MAST3: variants seen among roughly 807,000 people sequenced by gnomAD.
The protein encoded by MAST3 is microtubule associated serine/threonine kinase 3.
MAST3 carries 43 observed loss-of-function variants against 127.0 expected under a neutral mutation model. The observed-to-expected ratio is 0.34, with a 90% CI of 0.27 to 0.44. The LOEUF is 0.44. Ranked by LOEUF, MAST3 falls within the 20% of genes least tolerant of loss-of-function variation. The pLI, the probability that MAST3 is intolerant of heterozygous loss-of-function variation, is 1.00. For synonymous variants in MAST3, 785 were observed against 809.2 expected (o/e 0.97, Z 0.51); for missense variants, 1,390 against 1,919.1 (o/e 0.72, Z 5.15).
At chr19:18,118,863 C>T (rs2039616392) in intron 3 of MAST3, among the ~76,000 whole-genome samples, 1 of 152,142 alleles carries the variant, frequency 6.6e-6, no homozygotes, top group African/African-American at 2.4e-5. Context: ...TTGGGTTTCT[C>T]ATTGGTGCTG....
In MAST3 at chr19:18,112,169, TG is replaced by T. The variant is rs1382215375; in HGVS notation, c.161+1429del. ...GGCAGGACTGAGGTGGTGGGTTTTT[TG>T]TTTTTGTTTTTTGAGACAGTCTCAC... On this transcript the variant is annotated intron_variant, in intron 3 of 27. Transcript: ENST00000687212. The surrounding 1 kb of genome is among the most constrained non-coding windows in gnomAD (Gnocchi z 4.1). Among the ~76,000 whole-genome samples the T allele has an allele frequency of 6.6e-6, 1 of 152,204 alleles. No homozygotes were observed. Among genetic ancestry groups the T allele is most frequent in the Non-Finnish European group, 1.5e-5 (1 of 68,036 alleles).
At position 18,107,627 on chromosome 19, in the gene MAST3, A is replaced by G. The variant is rs1408713604; in HGVS notation, c.71+9A>G. 6.2e-7 allele frequency: 1 copy of G among 1,612,080 alleles called. No individual in the cohort carries two copies. The highest frequency in any genetic ancestry group is 1.7e-5 in the Admixed American group (1 of 59,654). On this transcript the variant is annotated intron_variant, in intron 2 of 27. Coordinates refer to ENST00000687212, the MANE Select transcript of MAST3 (RefSeq NM_001393504.1). ...CCACGCCGAGGACGTGGGTGAGTTC[A>G]CCTGGGACTGGCGGGCTGGGTGGGC...
Position 18,143,877 on chromosome 19 carries a change from T to A in MAST3, c.2454T>A (p.Phe818Leu). The A allele has an allele frequency of 6.2e-7, 1 of 1,613,944 alleles. No individual in the cohort carries two copies. Among genetic ancestry groups the A allele is most frequent in the Non-Finnish European group, 8.5e-7 (1 of 1,179,886 alleles). The change falls in exon 22 of 28, where the codon TTT becomes TTA. Residue 818 changes from phenylalanine to leucine, a missense_variant. Around this residue, in one of 5 missense-constraint regions of MAST3, gnomAD observed 816 missense variants for 934.1 expected, o/e 0.87. Transcript: ENST00000687212. The stretch of plus-strand genomic sequence containing the variant: ...TCAGCCTGGACACAATGCCCAAGTT[T>A]GCCTTCTCATCAGAGGATGAGGGGG... ...NTISLDTMPKFAFSSEDEGVG... is the reference protein window; with the variant it reads ...NTISLDTMPKLAFSSEDEGVG...
intron 1 of MAST3, among the ~76,000 whole-genome samples, chr19:18,106,742 T>A (rs2038096805): frequency 6.6e-6 from 1 of 151,480 alleles, no homozygotes; most frequent in African/African-American, 2.4e-5. Context: ...TGGCTAATTT[T>A]GTATTTTTAG....
chr19:18,131,780 A>T, intron 14 of MAST3, 129 bp from the exon 15 acceptor site: 1 of 996,840 alleles, frequency 1.0e-6, no homozygotes, highest in Non-Finnish European at 1.5e-6. Flanking sequence ...CCCCGCTGAG[A>T]TAGAACAAAC....
rs1160915271 is a variant in MAST3, at chr19:18,110,286, T to C, written c.72-366T>C. 1.8e-5 allele frequency: 18 copies of C among 985,476 alleles called. No individual in the cohort carries two copies. Among genetic ancestry groups the C allele is most frequent in the Non-Finnish European group, 2.0e-5 (17 of 830,066 alleles). 61.0% of individuals were successfully genotyped at this position (985,476 alleles called of 1,614,324 possible). ...CCGGGGGCCAACAAGGGGGCGTCGG[T>C]ACCCCGCCGCACAGAGGCGGCCTCT... On this transcript the variant is annotated intron_variant, in intron 2 of 27. Coordinates refer to ENST00000687212, the MANE Select transcript of MAST3 (RefSeq NM_001393504.1). This position sits in a 1 kb window ranked among gnomAD's most constrained non-coding sequence, Gnocchi z 4.3.
chr19:18,140,364 G>A (rs925469277), intron 20 of MAST3, among the ~76,000 whole-genome samples: 15 of 151,976 alleles, frequency 9.9e-5, no homozygotes, highest in African/African-American at 3.6e-4. Flanking sequence ...GGGCGACAGA[G>A]CGAGACTCTG....
intron 3 of MAST3, among the ~76,000 whole-genome samples, chr19:18,118,865 T>C (rs1467355555): frequency 6.6e-6 from 1 of 152,018 alleles, no homozygotes; most frequent in African/African-American, 2.4e-5. Context: ...GGGTTTCTCA[T>C]TGGTGCTGGA....
chr19:18,109,871 C>T (rs1314272720), intron 2 of MAST3: 1 of 914,804 alleles, frequency 1.1e-6, no homozygotes, highest in African/African-American at 1.8e-5. Flanking sequence ...CGCTCAGATC[C>T]CGGCTCCCAG....
chr19:18,115,947 C>T (rs182201228), intron 3 of MAST3, among the ~76,000 whole-genome samples: 44 of 152,364 alleles, frequency 2.9e-4, no homozygotes, highest in African/African-American at 9.9e-4. Flanking sequence ...GCCTGGGACA[C>T]GCTTTCTGCA....
chr19:18,143,699 G>A, intron 21 of MAST3, 64 bp from the exon 22 acceptor site: 1 of 1,596,566 alleles, frequency 6.3e-7, no homozygotes, highest in East Asian at 2.2e-5. Flanking sequence ...TGGCCATGAA[G>A]GTGGCTGAGT....
chr19:18,112,201 C>T lies in MAST3; in HGVS notation c.161+1460C>T, dbSNP rs1047032504. On this transcript the variant is annotated intron_variant, in intron 3 of 27. Coordinates refer to ENST00000687212, the MANE Select transcript of MAST3 (RefSeq NM_001393504.1). The surrounding 1 kb of genome is among the most constrained non-coding windows in gnomAD (Gnocchi z 4.1). ...GTTTTTTGAGACAGTCTCACTTTGT[C>T]GCCCAGGTTGGACTGCAGTGGCATG... 2.0e-5 allele frequency among the ~76,000 whole-genome samples: 3 copies of T among 152,182 alleles called. No individual in the cohort carries two copies. Among genetic ancestry groups the T allele is most frequent in the South Asian group, 2.1e-4 (1 of 4,832 alleles).
In MAST3 at chr19:18,110,020, G is replaced by C. The variant is rs570064670; in HGVS notation, c.72-632G>C. ...GGCGCAGCTCGGGGGCTCCCAAGCC[G>C]GCGGCCTCGGCGTCCCTGCGGCAGA... On this transcript the variant is annotated intron_variant, in intron 2 of 27. Coordinates refer to ENST00000687212, the MANE Select transcript of MAST3 (RefSeq NM_001393504.1). The surrounding 1 kb of genome is among the most constrained non-coding windows in gnomAD (Gnocchi z 4.3). The C allele has an allele frequency of 1.9e-4, 189 of 985,374 alleles. No individual in the cohort carries two copies. In the African/African-American group the frequency reaches 2.8e-3, roughly 15 times the overall value. 61.0% of individuals were successfully genotyped at this position (985,374 alleles called of 1,614,324 possible).
At chr19:18,140,369 ACTCTGT>A (rs2042335407) in intron 20 of MAST3, among the ~76,000 whole-genome samples, 1 of 151,662 alleles carries the variant, frequency 6.6e-6, no homozygotes, top group African/African-American at 2.4e-5. Flanking sequence ...ACAGAGCGAG[ACTCTGT>A]CTCAAAAAAT....
Position 18,123,336 on chromosome 19 carries a change from C to T in MAST3, c.519C>T (p.Gly173=), listed in dbSNP as rs1390128705. Reference sequence around the variant, plus strand: ...AGAATGTGCTTGATGAGGAAGGCGGCCGGTCACCCCGCCTCCGACCCCGCT... The same window carrying T: ...AGAATGTGCTTGATGAGGAAGGCGGTCGGTCACCCCGCCTCCGACCCCGCT... ...SSENVLDEEG[G]RSPRLRPRSR... Residue 173 remains glycine, a synonymous_variant, in exon 7 of 28, where the codon GGC becomes GGT. Transcript: ENST00000687212. The T allele has an allele frequency of 2.5e-6, 4 of 1,613,136 alleles. No individual in the cohort carries two copies. In the Admixed American group the frequency reaches 6.7e-5, roughly 27 times the overall value.
chr19:18,128,832 C>T (rs748285592), intron 12 of MAST3, 34 bp from the exon 13 acceptor site: 85 of 1,550,932 alleles, frequency 5.5e-5, no homozygotes, highest in Admixed American at 1.7e-4. Context: ...AGCTCTGCAG[C>T]GGGGCAGGAC....
At chr19:18,130,128 A>G (rs2041109760) in intron 13 of MAST3, among the ~76,000 whole-genome samples, 1 of 151,962 alleles carries the variant, frequency 6.6e-6, no homozygotes, top group African/African-American at 2.4e-5. Context: ...TGGGAGGATC[A>G]TTTGAGCCGG....
Position 18,123,902 on chromosome 19 carries a change from G to T in MAST3, c.634-37G>T, listed in dbSNP as rs374782434. On this transcript the variant is annotated intron_variant, in intron 8 of 27. Coordinates refer to ENST00000687212, the MANE Select transcript of MAST3 (RefSeq NM_001393504.1). Reference sequence around the variant, plus strand: ...ATTCTGCGTGTGTCACTCCAGCCCCGCCCTCTGACCAGGTCGCCCCGTCTC... The same window carrying T: ...ATTCTGCGTGTGTCACTCCAGCCCCTCCCTCTGACCAGGTCGCCCCGTCTC... 4.0e-6 allele frequency: 6 copies of T among 1,515,988 alleles called. No homozygotes were observed. The South Asian group carries it at 7.2e-5, about 18-fold the overall frequency. The allele number at this position is 1,515,988 out of a possible 1,614,324, so 93.9% of individuals were successfully genotyped here. A position where few individuals can be genotyped will look rare whatever the true frequency, so the allele number is the denominator to read the frequency against.
At chr19:18,130,723 AT>A in intron 14 of MAST3, 21 bp downstream of exon 14, 1 of 1,608,262 alleles carries the variant, frequency 6.2e-7, no homozygotes, top group South Asian at 1.1e-5. Context: ...TGGGGCTTGC[AT>A]GCCTCCAGCG....
Sources: gnomAD v4.1 joint callset for allele counts (sites outside exome capture counted in the v4.1 genomes callset) on GRCh38, gnomAD v4.1.1 for gene constraint, gnomAD v4.1.1 regional missense constraint, Gnocchi (gnomAD v3.1) non-coding constraint, MANE v1.5 for transcripts, NCBI Gene and HGNC (gene_info 2026-07-23, HGNC 2026-07-21) for gene names.